Variants in RET observed in about 807,000 individuals in gnomAD.
RET encodes the protein ret proto-oncogene.
RET carries 19 observed loss-of-function variants against 118.3 expected under a neutral mutation model. The ratio of observed to expected loss-of-function variants is 0.16; its 90% confidence interval spans 0.11 to 0.24. The LOEUF is 0.24. Ranked by LOEUF, RET falls within the 10% of genes least tolerant of loss-of-function variation. The pLI is 1.00. For missense variants in RET, 1,219 were observed against 1,502.1 expected (o/e 0.81, Z 3.12); for synonymous variants, 597 against 644.1 (o/e 0.93, Z 1.11).
chr10:43,105,255 G>GGTCGGT, intron 4 of RET, 62 bp downstream of exon 4: 1 of 1,608,008 alleles, frequency 6.2e-7, no homozygotes, highest in Non-Finnish European at 8.5e-7. Flanking sequence ...TTCGTTTCTC[G>GGTCGGT]GTCGGTTTAG....
intron 17 of RET, 25 bp downstream of exon 17, chr10:43,123,833 A>T (rs951261001): frequency 3.7e-6 from 6 of 1,613,834 alleles, no homozygotes; most frequent in Non-Finnish European, 5.1e-6. Context: ...GCTTTGGCCC[A>T]GCCTCACTTG....
At chr10:43,089,695 A>G (rs561237576) in intron 1 of RET, among the ~76,000 whole-genome samples, 1 of 152,288 alleles carries the variant, frequency 6.6e-6, no homozygotes, top group South Asian at 2.1e-4. Flanking sequence ...CACCACACAC[A>G]GGGAGGCGTG....
chr10:43,100,615 G>A lies in RET; in HGVS notation c.230G>A (p.Arg77His), dbSNP rs570176656. Residue 77 changes from arginine to histidine, a missense_variant, in exon 2 of 20, where the codon CGC becomes CAC. By Grantham distance (29) the Arg-to-His change is conservative (BLOSUM62 0). Transcript: ENST00000355710. The stretch of plus-strand genomic sequence containing the variant: ...GGCCAGCATCTCTACGGCACGTACC[G>A]CACACGGCTGCATGAGAACAACTGG... Reference protein sequence around the residue: ...RLGQHLYGTYRTRLHENNWIC... With the variant: ...RLGQHLYGTYHTRLHENNWIC... 53 of 1,613,792 alleles carry A rather than the reference G, an allele frequency of 3.3e-5. 1 individual carries two copies. Among genetic ancestry groups the A allele is most frequent in the East Asian group, 8.9e-5 (4 of 44,872 alleles).
In RET at chr10:43,123,824, C is replaced by T. The variant is rs2133007408; in HGVS notation, c.2939+16C>T. 6.2e-7 allele frequency: 1 copy of T among 1,613,924 alleles called. No individual in the cohort carries two copies. Among genetic ancestry groups the T allele is most frequent in the South Asian group, 1.1e-5 (1 of 91,082 alleles). On this transcript the variant is annotated intron_variant, in intron 17 of 19. Transcript: ENST00000355710. ...GCGAGGAGATGTGAGCGGGGACTGG[C>T]TTTGGCCCAGCCTCACTTGGGAAGG... is the stretch of plus-strand genomic sequence containing the variant.
intron 2 of RET, among the ~76,000 whole-genome samples, chr10:43,101,269 G>A (rs1289896141): frequency 6.6e-6 from 1 of 152,192 alleles, no homozygotes; most frequent in East Asian, 1.9e-4. Context: ...CAGAGCCCCT[G>A]TGACAGGAAA....
At chr10:43,116,775 G>C (rs762922012) in intron 12 of RET, 44 bp downstream of exon 12, 1 of 1,377,734 alleles carries the variant, frequency 7.3e-7, no homozygotes, top group Non-Finnish European at 1.0e-6. Flanking sequence ...GGAGTCTCCG[G>C]GGCGGGGGGC....
intron 1 of RET, among the ~76,000 whole-genome samples, chr10:43,082,451 C>A (rs1002215992): frequency 6.6e-6 from 1 of 152,196 alleles, no homozygotes; most frequent in African/African-American, 2.4e-5. Context: ...GGTGGACCAG[C>A]GGGCATAGGC....
In RET at chr10:43,077,141, T is replaced by A; in HGVS notation, c.-118T>A. 7.8e-7 allele frequency: 1 copy of A among 1,286,406 alleles called. No individual in the cohort carries two copies. The highest frequency in any genetic ancestry group is 3.2e-5 in the East Asian group (1 of 31,180). 79.7% of individuals were successfully genotyped at this position (1,286,406 alleles called of 1,614,324 possible). Reference sequence around the variant, plus strand: ...ACGTGCGTCGCGCCCCCAGTGTCCGTCGCGTCCGCCGCGCCCCGGGCGGGG... The same window carrying A: ...ACGTGCGTCGCGCCCCCAGTGTCCGACGCGTCCGCCGCGCCCCGGGCGGGG... On this transcript the variant is annotated 5_prime_UTR_variant, in exon 1 of 20. Coordinates refer to ENST00000355710, the MANE Select transcript of RET (RefSeq NM_020975.6).
intron 1 of RET, among the ~76,000 whole-genome samples, chr10:43,088,048 G>A (rs1306423293): frequency 6.6e-6 from 1 of 151,952 alleles, no homozygotes; most frequent in African/African-American, 2.4e-5. Context: ...GGTTGTGGTG[G>A]TGGTGGTGGT....
At position 43,077,171 on chromosome 10, in the gene RET, G is replaced by A; in HGVS notation, c.-88G>A. The stretch of plus-strand genomic sequence containing the variant: ...TCCGCCGCGCCCCGGGCGGGGATGG[G>A]GCGGCCAGACTGAGCGCCGCACCCG... On this transcript the variant is annotated 5_prime_UTR_variant, in exon 1 of 20. Coordinates refer to ENST00000355710, the MANE Select transcript of RET (RefSeq NM_020975.6). 2 of 1,351,438 alleles carry A rather than the reference G, an allele frequency of 1.5e-6. No homozygotes were observed. The highest frequency in any genetic ancestry group is 1.5e-5 in the African/African-American group (1 of 65,796). 83.7% of individuals were successfully genotyped at this position (1,351,438 alleles called of 1,614,324 possible).
At chr10:43,122,268 G>A (rs1771642208) in intron 16 of RET, among the ~76,000 whole-genome samples, 1 of 152,156 alleles carries the variant, frequency 6.6e-6, no homozygotes, top group Non-Finnish European at 1.5e-5. Flanking sequence ...CGAGCAGGTG[G>A]CCAGTAACCC....
rs913593524 is a variant in RET, at chr10:43,104,946, G to T, written c.626-6G>T. 1.3e-6 allele frequency: 2 copies of T among 1,558,226 alleles called. No individual in the cohort carries two copies. The highest frequency in any genetic ancestry group is 1.3e-5 in the African/African-American group (1 of 74,140). On this transcript the variant is annotated splice_region_variant and splice_polypyrimidine_tract_variant and intron_variant, in intron 3 of 19. Transcript: ENST00000355710. ...CACGCGGGGCCCCTGTCTGCTTGGTGCGCAGGTGAGGGTCTGCCCTTCCGC... is the reference window on the plus strand; with the variant it reads ...CACGCGGGGCCCCTGTCTGCTTGGTTCGCAGGTGAGGGTCTGCCCTTCCGC...
At position 43,128,230 on chromosome 10, in the gene RET, A is replaced by C; in HGVS notation, c.3306A>C (p.Ser1102=). 1.2e-6 allele frequency: 2 copies of C among 1,614,176 alleles called. No individual in the cohort carries two copies. The highest frequency in any genetic ancestry group is 1.7e-6 in the Non-Finnish European group (2 of 1,180,042). ...GTGTATATGCTAACTGGATGCTTTCACCCTCAGCGGCAAAATTAATGGACA... is the reference window on the plus strand; with the variant it reads ...GTGTATATGCTAACTGGATGCTTTCCCCCTCAGCGGCAAAATTAATGGACA... The part of the protein sequence containing the change: ...NDSVYANWML[S]PSAAKLMDTF... The change falls in exon 20 of 20, where the codon TCA becomes TCC. Residue 1102 remains serine, a synonymous_variant. Coordinates refer to ENST00000355710, the MANE Select transcript of RET (RefSeq NM_020975.6).
chr10:43,100,846 T>C (rs895191518), intron 2 of RET, 124 bp downstream of exon 2: 1 of 1,127,722 alleles, frequency 8.9e-7, no homozygotes, highest in African/African-American at 1.6e-5. Flanking sequence ...GTGGAAGGCG[T>C]CAGGGGTTAA....
chr10:43,091,847 C>G (rs1469448717), intron 1 of RET, among the ~76,000 whole-genome samples: 1 of 144,318 alleles, frequency 6.9e-6, no homozygotes, highest in Non-Finnish European at 1.5e-5. Flanking sequence ...AAAAAAAGAA[C>G]CAGTGTTGGT....
intron 2 of RET, 25 bp from the exon 3 acceptor site, chr10:43,102,317 C>G: frequency 3.7e-6 from 6 of 1,612,724 alleles, no homozygotes; most frequent in Non-Finnish European, 5.1e-6. Context: ...GCCGATGCCC[C>G]CACAGACCTG....
chr10:43,124,791 G>T (rs1838293114), intron 17 of RET, 92 bp from the exon 18 acceptor site: 1 of 1,211,992 alleles, frequency 8.3e-7, no homozygotes, highest in Non-Finnish European at 1.2e-6. Flanking sequence ...CTGGGCCCAG[G>T]GTACAGGGCA....
chr10:43,102,279 C>T, intron 2 of RET, 63 bp from the exon 3 acceptor site: 1 of 1,600,662 alleles, frequency 6.2e-7, no homozygotes, highest in Non-Finnish European at 8.5e-7. Flanking sequence ...CCTGCCTCCT[C>T]CCCATTCCCG....
rs1336334127 is a variant in RET, at chr10:43,114,640, C to G, written c.2040C>G (p.Ala680=). 2 of 1,612,942 alleles carry G rather than the reference C, an allele frequency of 1.2e-6. No individual in the cohort carries two copies. Among genetic ancestry groups the G allele is most frequent in the African/African-American group, 2.7e-5 (2 of 74,896 alleles). The part of the protein sequence containing the change: ...SSAEMTFRRP[A]QAFPVSYSSS... ...CTGAGATGACCTTCCGGAGGCCCGC[C>G]CAGGCCTTCCCGGTCAGCTACTCCT... The change falls in exon 11 of 20, where the codon GCC becomes GCG. Residue 680 remains alanine, a synonymous_variant. Transcript: ENST00000355710. The surrounding 1 kb of genome is among the most constrained non-coding windows in gnomAD (Gnocchi z 4.6).
Sources: allele counts gnomAD v4.1 joint callset (sites outside exome capture counted in the v4.1 genomes callset), GRCh38; gene constraint gnomAD v4.1.1; non-coding constraint Gnocchi (gnomAD v3.1); transcripts MANE v1.5; gene names NCBI Gene and HGNC (gene_info 2026-07-23, HGNC 2026-07-21).